The following SEMA5A variants were observed in gnomAD, a reference collection of about 807,000 sequenced individuals.
SEMA5A encodes the protein semaphorin 5A, also known as semaphorin-5A.
Under a neutral mutation model 135.5 loss-of-function variants are expected in SEMA5A, and 55 were observed. That is an observed-to-expected ratio of 0.41 (90% CI 0.33 to 0.51). SEMA5A has a LOEUF of 0.51. Among genes scored for constraint, SEMA5A ranks in the 20% least tolerant of loss-of-function variants. The pLI, the probability that SEMA5A is intolerant of heterozygous loss-of-function variation, is 0.37. For missense variants in SEMA5A, 1,290 were observed against 1,419.9 expected (o/e 0.91, Z 1.47); for synonymous variants, 580 against 546.5 (o/e 1.06, Z -0.85).
intron 5 of SEMA5A, among the ~76,000 whole-genome samples, chr5:9,278,070 A>G (rs140020447): frequency 6.6e-6 from 1 of 152,114 alleles, no homozygotes; most frequent in Non-Finnish European, 1.5e-5. Context: ...AGTAGTTTTA[A>G]AATCAGCCGT....
chr5:9,230,220 G>A (rs975622920), intron 6 of SEMA5A, among the ~76,000 whole-genome samples: 6 of 135,046 alleles, frequency 4.4e-5, no homozygotes, highest in Non-Finnish European at 9.1e-5. Context: ...GGCTGGTCTC[G>A]AATTCCTGGG....
intron 2 of SEMA5A, among the ~76,000 whole-genome samples, chr5:9,413,076 A>G (rs891262026): frequency 5.3e-5 from 8 of 152,166 alleles, no homozygotes; most frequent in Admixed American, 1.3e-4. Flanking sequence ...ACTCCTAGCT[A>G]TGGGTACAAA....
intron 5 of SEMA5A, among the ~76,000 whole-genome samples, chr5:9,295,889 A>G (rs1751311407): frequency 6.6e-6 from 1 of 152,210 alleles, no homozygotes; most frequent in South Asian, 2.1e-4. Context: ...CATTGTACAC[A>G]TCCAGACGAC....
intron 1 of SEMA5A, among the ~76,000 whole-genome samples, chr5:9,506,736 G>A (rs547526581): frequency 3.3e-5 from 5 of 152,152 alleles, no homozygotes; most frequent in Non-Finnish European, 5.9e-5. Context: ...GGCCAATAGG[G>A]AGCTTCCAGA....
At chr5:9,376,620 C>T (rs1260735888) in intron 3 of SEMA5A, among the ~76,000 whole-genome samples, 1 of 152,212 alleles carries the variant, frequency 6.6e-6, no homozygotes, top group Non-Finnish European at 1.5e-5. Context: ...TTAACAGGAA[C>T]TGAGCATCTT....
intron 2 of SEMA5A, among the ~76,000 whole-genome samples, chr5:9,412,445 G>A (rs1187611642): frequency 6.8e-6 from 1 of 147,330 alleles, no homozygotes; most frequent in African/African-American, 2.5e-5. Context: ...TGTATATAAA[G>A]TAAATTATAA....
chr5:9,282,774 T>C (rs1257325851), intron 5 of SEMA5A, among the ~76,000 whole-genome samples: 1 of 152,108 alleles, frequency 6.6e-6, no homozygotes, highest in South Asian at 2.1e-4. Context: ...TCCCACAGCA[T>C]CAATCCTAAA....
intron 5 of SEMA5A, among the ~76,000 whole-genome samples, chr5:9,288,962 C>T (rs529248120): frequency 3.3e-5 from 5 of 152,304 alleles, no homozygotes; most frequent in Admixed American, 2.6e-4. Flanking sequence ...AAATTAAATG[C>T]TTCTTTTGTC....
intron 5 of SEMA5A, among the ~76,000 whole-genome samples, chr5:9,286,846 G>A (rs535782365): frequency 8.5e-5 from 13 of 152,360 alleles, no homozygotes; most frequent in Admixed American, 3.3e-4. Context: ...AACACTGAGT[G>A]ATAAGATAGC....
intron 3 of SEMA5A, among the ~76,000 whole-genome samples, chr5:9,360,245 T>C (rs1259050820): frequency 6.6e-6 from 1 of 152,172 alleles, no homozygotes; most frequent in Non-Finnish European, 1.5e-5. Context: ...ATGTGTACAG[T>C]GTTCTCCAGA....
At chr5:9,250,516 A>G (rs1161286098) in intron 5 of SEMA5A, among the ~76,000 whole-genome samples, 1 of 152,196 alleles carries the variant, frequency 6.6e-6, no homozygotes, top group Non-Finnish European at 1.5e-5. Flanking sequence ...AAAAAGACCG[A>G]ATTCATACAA....
At chr5:9,509,673 C>A (rs987199493) in intron 1 of SEMA5A, among the ~76,000 whole-genome samples, 2 of 152,174 alleles carry the variant, frequency 1.3e-5, no homozygotes, top group Admixed American at 6.5e-5. Flanking sequence ...CAAAGTTTAT[C>A]ATTGTAATAC....
chr5:9,493,347 A>G (rs931112129), intron 1 of SEMA5A, among the ~76,000 whole-genome samples: 5 of 151,536 alleles, frequency 3.3e-5, no homozygotes, highest in Non-Finnish European at 1.5e-5. Flanking sequence ...ATCTCATATT[A>G]ATGTTTATTC....
At chr5:9,126,293 C>T (rs550582312) in intron 13 of SEMA5A, among the ~76,000 whole-genome samples, 26 of 152,136 alleles carry the variant, frequency 1.7e-4, no homozygotes, top group African/African-American at 6.0e-4. Context: ...GGGAGTGATA[C>T]CCGTCTTATT....
At chr5:9,417,806 C>T (rs963707507) in intron 2 of SEMA5A, among the ~76,000 whole-genome samples, 4 of 152,120 alleles carry the variant, frequency 2.6e-5, no homozygotes, top group Non-Finnish European at 5.9e-5. Flanking sequence ...CACCAAGTGG[C>T]TTGAACAAGA....
chr5:9,180,359 A>T (rs1051398058), intron 11 of SEMA5A, among the ~76,000 whole-genome samples: 6 of 152,202 alleles, frequency 3.9e-5, no homozygotes, highest in African/African-American at 1.4e-4. Flanking sequence ...AAATTCATTA[A>T]ATGTTATCAA....
intron 11 of SEMA5A, among the ~76,000 whole-genome samples, chr5:9,164,156 CATAT>C (rs1016383379): frequency 5.9e-5 from 1 of 16,878 alleles, no homozygotes; most frequent in Non-Finnish European, 1.9e-4. Context: ...ATAAATATAT[CATAT>C]AAATATTTAT....
chr5:9,364,192 C>G (rs1449841039), intron 3 of SEMA5A, among the ~76,000 whole-genome samples: 1 of 152,186 alleles, frequency 6.6e-6, no homozygotes. Flanking sequence ...TCTTTATTCT[C>G]TCTAAATTCC....
At chr5:9,208,947 G>C (rs1746198333) in intron 8 of SEMA5A, among the ~76,000 whole-genome samples, 1 of 152,130 alleles carries the variant, frequency 6.6e-6, no homozygotes, top group Non-Finnish European at 1.5e-5. Context: ...AAAAGTTATT[G>C]CTAAGACCCT....
Sources: gnomAD v4.1 joint callset for allele counts (sites outside exome capture counted in the v4.1 genomes callset) on GRCh38, gnomAD v4.1.1 for gene constraint, MANE v1.5 for transcripts, NCBI Gene and HGNC (gene_info 2026-07-23, HGNC 2026-07-21) for gene names.